The following TUSC3 variants were observed in gnomAD, a reference collection of about 807,000 sequenced individuals.
TUSC3 encodes the protein dolichyl-diphosphooligosaccharide--protein glycosyltransferase subunit TUSC3.
Under a neutral mutation model 44.8 loss-of-function variants are expected in TUSC3, and 45 were observed. The observed-to-expected ratio is 1.00, with a 90% CI of 0.79 to 1.29. The LOEUF (loss-of-function observed/expected upper bound fraction) is 1.29, where lower values mean the gene tolerates loss of function less well. TUSC3 is among the 50% of genes most tolerant of loss of function. The pLI is 0.00. For missense variants in TUSC3, 519 were observed against 437.9 expected (o/e 1.19, Z -1.65); for synonymous variants, 212 against 152.9 (o/e 1.39, Z -2.85).
At chr8:15,640,828 G>A (rs75629851) in intron 2 of TUSC3, among the ~76,000 whole-genome samples, 3,471 of 152,210 alleles carry the variant, frequency 0.023, 126 homozygotes, top group African/African-American at 0.077. Context: ...AGTCTAGTTC[G>A]TAAATGTCAT....
chr8:15,577,513 G>C (rs1361979765), intron 1 of TUSC3, among the ~76,000 whole-genome samples: 1 of 150,600 alleles, frequency 6.6e-6, no homozygotes, highest in African/African-American at 2.4e-5. Context: ...AAGGGATCCA[G>C]TTTCAGCTTT....
intron 9 of TUSC3, among the ~76,000 whole-genome samples, chr8:15,755,248 A>G (rs1811874495): frequency 6.6e-6 from 1 of 152,090 alleles, no homozygotes; most frequent in Admixed American, 6.6e-5. Context: ...AATGGAGATG[A>G]TTTGTCATAT....
chr8:15,527,273 G>C (rs940011920), intron 2 of TUSC3, among the ~76,000 whole-genome samples: 2 of 152,118 alleles, frequency 1.3e-5, no homozygotes, highest in Non-Finnish European at 2.9e-5. Flanking sequence ...CTGGAGTATA[G>C]TGGAACAATC....
At chr8:15,454,189 C>G (rs553826243) in intron 1 of TUSC3, among the ~76,000 whole-genome samples, 1 of 152,240 alleles carries the variant, frequency 6.6e-6, no homozygotes, top group African/African-American at 2.4e-5. Flanking sequence ...TATAAAATCC[C>G]AAGTCAAAAA....
chr8:15,805,676 A>T, the TUSC3 span, among the ~76,000 whole-genome samples: 1 of 152,176 alleles, frequency 6.6e-6, no homozygotes, highest in Admixed American at 6.5e-5. Context: ...AGTGAAGCCT[A>T]CTTGATCATG....
Position 15,628,174 on chromosome 8 carries a change from C to T in TUSC3, c.308+4925C>T, listed in dbSNP as rs190061181. On this transcript the variant is annotated intron_variant, in intron 2 of 10. Coordinates refer to ENST00000503731, the MANE Select transcript of TUSC3 (RefSeq NM_006765.4). The stretch of plus-strand genomic sequence containing the variant: ...CCTAAAAACTGAATGTATTGATTTC[C>T]TAAAATCACTAGTATAGTGAAGAAA... Among the ~76,000 whole-genome samples, 5 of 151,984 alleles carry T rather than the reference C, an allele frequency of 3.3e-5. No individual in the cohort carries two copies. In the East Asian group the frequency reaches 9.7e-4, roughly 29 times the overall value.
intron 1 of TUSC3, among the ~76,000 whole-genome samples, chr8:15,565,807 G>A (rs979410196): frequency 6.6e-6 from 1 of 152,082 alleles, no homozygotes; most frequent in African/African-American, 2.4e-5. Context: ...GTTGCGGATG[G>A]CAGAGCAGCC....
At chr8:15,659,442 G>A (rs962582075) in intron 3 of TUSC3, 65 bp from the exon 4 acceptor site, 31 of 1,571,500 alleles carry the variant, frequency 2.0e-5, no homozygotes, top group Admixed American at 3.5e-5. Context: ...TACAGAAAAA[G>A]TGTAAAATAT....
At chr8:15,503,253 G>A (rs1285764099) in intron 2 of TUSC3, among the ~76,000 whole-genome samples, 1 of 152,092 alleles carries the variant, frequency 6.6e-6, no homozygotes, top group Non-Finnish European at 1.5e-5. Flanking sequence ...GGACAATATG[G>A]CCATCTACAA....
rs532382265 is a variant in TUSC3, at chr8:15,503,383, C to G, written n.189+19900C>G. The stretch of plus-strand genomic sequence containing the variant: ...GAGCCACCCCGTCTGTGGCACTGTG[C>G]TATGGCAGCCCTGGAAAACTAATAC... On this transcript the variant is annotated intron_variant and non_coding_transcript_variant, in intron 2 of 5. Coordinates refer to the TUSC3 transcript ENST00000503191. 8.5e-5 allele frequency among the ~76,000 whole-genome samples: 13 copies of G among 152,250 alleles called. No homozygotes were observed. In the South Asian group the frequency reaches 1.5e-3, roughly 17 times the overall value.
chr8:15,720,484 C>T (rs910493940), intron 6 of TUSC3, among the ~76,000 whole-genome samples: 2 of 152,034 alleles, frequency 1.3e-5, no homozygotes, highest in African/African-American at 4.8e-5. Context: ...GAATCCTTAC[C>T]AGTGCCATTT....
intron 6 of TUSC3, among the ~76,000 whole-genome samples, chr8:15,717,182 A>G (rs1172860047): frequency 1.3e-5 from 2 of 152,144 alleles, no homozygotes; most frequent in Non-Finnish European, 2.9e-5. Flanking sequence ...ATAGTTTAAT[A>G]GCAATAAATA....
intron 1 of TUSC3, among the ~76,000 whole-genome samples, chr8:15,587,209 C>G (rs1803638715): frequency 6.6e-6 from 1 of 152,164 alleles, no homozygotes; most frequent in Non-Finnish European, 1.5e-5. Flanking sequence ...AGAACTGAAA[C>G]TAATGAAATT....
rs1219013882 is a variant in TUSC3, at chr8:15,441,323, C to T, written n.91+24018C>T. On this transcript the variant is annotated intron_variant and non_coding_transcript_variant, in intron 1 of 5. Coordinates refer to the TUSC3 transcript ENST00000503191. Reference sequence around the variant, plus strand: ...TCAGGAGGCTGAGGCAGGAGAATTGCTTGAGCCCAGGAGGTGGAGTTTTCA... The same window carrying T: ...TCAGGAGGCTGAGGCAGGAGAATTGTTTGAGCCCAGGAGGTGGAGTTTTCA... 6.6e-5 allele frequency among the ~76,000 whole-genome samples: 10 copies of T among 152,300 alleles called. No individual in the cohort carries two copies. The East Asian group carries it at 1.7e-3, about 26-fold the overall frequency.
intron 1 of TUSC3, among the ~76,000 whole-genome samples, chr8:15,454,550 C>A (rs1477739654): frequency 2.0e-5 from 3 of 152,202 alleles, no homozygotes; most frequent in Non-Finnish European, 4.4e-5. Context: ...TTCCAGCTCG[C>A]TATTTGTTTC....
At chr8:15,684,989 A>C (rs999997257) in intron 6 of TUSC3, among the ~76,000 whole-genome samples, 1 of 152,160 alleles carries the variant, frequency 6.6e-6, no homozygotes, top group Non-Finnish European at 1.5e-5. Flanking sequence ...GTCCTGTGGC[A>C]ATGGTGGCCC....
At chr8:15,658,657 C>G (rs181072354) in intron 3 of TUSC3, among the ~76,000 whole-genome samples, 1 of 150,606 alleles carries the variant, frequency 6.6e-6, no homozygotes, top group Non-Finnish European at 1.5e-5. Flanking sequence ...CACACACACA[C>G]ACAAATACAA....
intron 1 of TUSC3, among the ~76,000 whole-genome samples, chr8:15,589,323 T>C (rs1419085266): frequency 1.3e-5 from 2 of 152,198 alleles, no homozygotes; most frequent in East Asian, 3.9e-4. Flanking sequence ...TGATTCAGAC[T>C]CTGCATCTTA....
rs556086183 is a variant in TUSC3 at position 15,764,271 on chromosome 8, C to G, written c.*115C>G. ...TGTTTACCATGAAGATAAACTGTTC[C>G]TGACTTTATACTATTTTGAATTCAT... On this transcript the variant is annotated 3_prime_UTR_variant, in exon 11 of 11. Coordinates refer to ENST00000503731, the MANE Select transcript of TUSC3 (RefSeq NM_006765.4). 8.3e-6 allele frequency: 13 copies of G among 1,566,332 alleles called. No homozygotes were observed. The African/African-American group carries it at 1.5e-4, about 18-fold the overall frequency.
Sources: allele counts gnomAD v4.1 joint callset (sites outside exome capture counted in the v4.1 genomes callset), GRCh38; gene constraint gnomAD v4.1.1; transcripts MANE v1.5; gene names NCBI Gene and HGNC (gene_info 2026-07-23, HGNC 2026-07-21).